Variants in CEP164 observed in about 807,000 individuals in gnomAD.
CEP164 encodes the protein centrosomal protein of 164 kDa.
CEP164 carries 162 observed loss-of-function variants against 182.7 expected under a neutral mutation model. The ratio of observed to expected loss-of-function variants is 0.89; its 90% CI spans 0.78 to 1.01. The LOEUF (loss-of-function observed/expected upper bound fraction) is 1.01, where lower values mean the gene tolerates loss of function less well. Ranked by LOEUF, CEP164 falls within the 50% of genes least tolerant of loss-of-function variation. The probability of loss-of-function intolerance (pLI) is 0.00; values close to 1 mark genes in which losing one functional copy is unlikely to be tolerated. For missense variants in CEP164, 1,735 were observed against 1,790.4 expected (o/e 0.97, Z 0.56); for synonymous variants, 661 against 690.0 (o/e 0.96, Z 0.66).
intron 17 of CEP164, 61 bp from the exon 18 acceptor site, chr11:117,392,165 C>T (rs370623924): frequency 1.5e-5 from 21 of 1,445,772 alleles, no homozygotes; most frequent in African/African-American, 8.5e-5. Context: ...TTCCTGGCTC[C>T]GCCTCCCACC....
chr11:117,355,578 G>A, intron 5 of CEP164: 2 of 1,218,768 alleles, frequency 1.6e-6, no homozygotes, highest in Non-Finnish European at 2.1e-6. Context: ...CTGTCCTCTT[G>A]TTCTTCCGGC....
intron 27 of CEP164, among the ~76,000 whole-genome samples, chr11:117,402,121 T>C (rs1259460272): frequency 3.9e-5 from 6 of 152,188 alleles, no homozygotes; most frequent in Non-Finnish European, 8.8e-5. Flanking sequence ...GTGCTGTAAG[T>C]TTCCCTCTAA....
At chr11:117,337,299 C>T (rs2037315907) in intron 2 of CEP164, among the ~76,000 whole-genome samples, 1 of 152,082 alleles carries the variant, frequency 6.6e-6, no homozygotes, top group African/African-American at 2.4e-5. Context: ...GCCCTGGTTC[C>T]TGGTCCTTTC....
At chr11:117,336,272 G>A in intron 2 of CEP164, 1 of 1,566,568 alleles carries the variant, frequency 6.4e-7, no homozygotes, top group Middle Eastern at 2.3e-4. Flanking sequence ...TGGTGCTTGT[G>A]CATCTTTTTA....
rs1358440649 is a variant in CEP164 at position 117,355,397 on chromosome 11, G to C, written c.393+3409G>C. ...TCTCCAAAATATGCAGGATGTGGTAGAAAGCAGGAACCAGGCCTCTGTCCA... is the reference window on the plus strand; with the variant it reads ...TCTCCAAAATATGCAGGATGTGGTACAAAGCAGGAACCAGGCCTCTGTCCA... On this transcript the variant is annotated intron_variant, in intron 5 of 32. Coordinates refer to ENST00000278935, the MANE Select transcript of CEP164 (RefSeq NM_014956.5). 2.3e-6 allele frequency: 3 copies of C among 1,289,716 alleles called. No homozygotes were observed. In the African/African-American group the frequency reaches 4.6e-5, roughly 20 times the overall value. 79.9% of individuals were successfully genotyped at this position (1,289,716 alleles called of 1,614,324 possible).
At position 117,362,446 on chromosome 11, in the gene CEP164, T is replaced by C. The variant is rs2041104343; in HGVS notation, c.595T>C (p.Leu199=). ...LKTSAYTKGL[L]GSIYEDKTAL... is the part of the protein sequence containing the mutation. ...GACCTCTGCTTATACAAAGGGTCTC[T>C]TGGGCTCCATATATGAGGACAAGAC... Residue 199 remains leucine, a synonymous_variant, in exon 7 of 33, where the codon TTG becomes CTG. Coordinates refer to ENST00000278935, the MANE Select transcript of CEP164 (RefSeq NM_014956.5). 3 of 1,613,838 alleles carry C rather than the reference T, an allele frequency of 1.9e-6. No homozygotes were observed. Among genetic ancestry groups the C allele is most frequent in the East Asian group, 2.2e-5 (1 of 44,880 alleles).
At chr11:117,410,770 T>C in intron 30 of CEP164, 58 bp from the exon 31 acceptor site, 1 of 1,453,494 alleles carries the variant, frequency 6.9e-7, no homozygotes, top group South Asian at 1.2e-5. Flanking sequence ...CAAGAGGTGC[T>C]GGTGGGCAGG....
At chr11:117,389,693 T>C (rs1317193093) in intron 15 of CEP164, among the ~76,000 whole-genome samples, 35 of 152,160 alleles carry the variant, frequency 2.3e-4, no homozygotes, top group East Asian at 1.9e-4. Flanking sequence ...GGAATGAATA[T>C]GGGTTTGCCA....
intron 30 of CEP164, chr11:117,410,499 T>G (rs1201268094): frequency 1.5e-5 from 4 of 274,692 alleles, no homozygotes. Context: ...ACTCCAGGAT[T>G]CTGCTTGGAA....
intron 4 of CEP164, among the ~76,000 whole-genome samples, chr11:117,350,048 C>G (rs1463827369): frequency 6.6e-6 from 1 of 151,936 alleles, no homozygotes; most frequent in Non-Finnish European, 1.5e-5. Context: ...GCTGGGATTA[C>G]AGGCATGAGC....
chr11:117,357,423 CTTTTTT>C (rs4018866), intron 5 of CEP164, among the ~76,000 whole-genome samples: 1 of 121,526 alleles, frequency 8.2e-6, no homozygotes, highest in Non-Finnish European at 1.7e-5. Context: ...AGTTAATATT[CTTTTTT>C]TTTTTTTTTT....
intron 16 of CEP164, 44 bp from the exon 17 acceptor site, chr11:117,390,955 C>G (rs2044572843): frequency 6.2e-7 from 1 of 1,613,770 alleles, no homozygotes. Context: ...CGGAGGCGAC[C>G]CCAGGGTGCA....
chr11:117,381,726 G>T lies in CEP164; in HGVS notation c.1435G>T (p.Glu479Ter). ...GTTATCTCCTCCACTTCCACACGAG[G>T]AGCGGGCCCAGAGTCCCCCTCGCAG... ...ERLSPPLPHE[E>*]RAQSPPRSLA... Residue 479 changes from glutamate to a stop codon, truncating the protein, a stop_gained, in exon 13 of 33, where the codon GAG (glutamate) becomes TAG (stop). Coordinates refer to ENST00000278935, the MANE Select transcript of CEP164 (RefSeq NM_014956.5). LOFTEE classifies it high-confidence loss of function. 6.2e-7 allele frequency: 1 copy of T among 1,610,348 alleles called. No homozygotes were observed. Among genetic ancestry groups the T allele is most frequent in the South Asian group, 1.1e-5 (1 of 90,094 alleles).
At chr11:117,333,940 T>G (rs1402626046) in intron 1 of CEP164, among the ~76,000 whole-genome samples, 1 of 152,246 alleles carries the variant, frequency 6.6e-6, no homozygotes, top group Non-Finnish European at 1.5e-5. Flanking sequence ...TGCCTTCTGC[T>G]GAAGGACTTT....
At chr11:117,407,096 C>CA (rs1454952145) in intron 27 of CEP164, among the ~76,000 whole-genome samples, 1 of 151,470 alleles carries the variant, frequency 6.6e-6, no homozygotes, top group African/African-American at 2.4e-5. Flanking sequence ...GACTCTATTT[C>CA]AAAAAAAGAG....
In CEP164 at chr11:117,409,538, C is replaced by A; in HGVS notation, c.3749-80C>A. 13 of 1,304,028 alleles carry A rather than the reference C, an allele frequency of 1.0e-5. No individual in the cohort carries two copies. Among genetic ancestry groups the A allele is most frequent in the Non-Finnish European group, 1.4e-5 (13 of 936,350 alleles). 80.8% of individuals were successfully genotyped at this position (1,304,028 alleles called of 1,614,324 possible). On this transcript the variant is annotated intron_variant, in intron 29 of 32. Transcript: ENST00000278935. This position sits in a 1 kb window ranked among gnomAD's most constrained non-coding sequence, Gnocchi z 4.4. ...AGCAGGGAGGGGTGGCCAGTAGGGT[C>A]CTCCATGACAGCTGTGTCTGGGAAT...
In CEP164 at chr11:117,351,825, T is replaced by C. The variant is rs760170612; in HGVS notation, c.230T>C (p.Phe77Ser). The stretch of plus-strand genomic sequence containing the variant: ...ACAGGTGACATTTACTATTTCAACT[T>C]CGCCAACGGGCAGTCTATGTGGGAC... The part of the protein sequence containing the change: ...DITGDIYYFN[F>S]ANGQSMWDHP... The change falls in exon 5 of 33, where the codon TTC becomes TCC. Residue 77 changes from phenylalanine (F) to serine (S), a missense_variant. Transcript: ENST00000278935. 4 of 1,613,900 alleles carry C rather than the reference T, an allele frequency of 2.5e-6. No homozygotes were observed. Among genetic ancestry groups the C allele is most frequent in the Non-Finnish European group, 3.4e-6 (4 of 1,179,968 alleles).
At position 117,410,871 on chromosome 11, in the gene CEP164, C is replaced by T. The variant is rs746720978; in HGVS notation, c.4140C>T (p.Ser1380=). 3.1e-6 allele frequency: 5 copies of T among 1,613,308 alleles called. No homozygotes were observed. In the Admixed American group the frequency reaches 8.3e-5, roughly 27 times the overall value. Residue 1380 remains serine (S), a synonymous_variant, in exon 31 of 33, where the codon AGC becomes AGT. Transcript: ENST00000278935. ...LLSNSPTPLE[S]RLGYMSASEQ... ...GCAACAGCCCCACCCCGCTGGAGAG[C>T]AGGCTGGGTTACATGTCTGCCAGGT... is the stretch of plus-strand genomic sequence containing the variant.
chr11:117,375,681 T>C (rs2042667090), intron 10 of CEP164, 27 bp from the exon 11 acceptor site: 4 of 1,609,256 alleles, frequency 2.5e-6, no homozygotes, highest in South Asian at 2.2e-5. Context: ...GAGGCAGAGT[T>C]GACCTTTGCA....
Sources: gnomAD v4.1 joint callset for allele counts (sites outside exome capture counted in the v4.1 genomes callset) on GRCh38, gnomAD v4.1.1 for gene constraint, Gnocchi (gnomAD v3.1) non-coding constraint, MANE v1.5 for transcripts, NCBI Gene and HGNC (gene_info 2026-07-23, HGNC 2026-07-21) for gene names.